The following DLG2 variants were observed in gnomAD, a reference collection of about 807,000 sequenced individuals.
The protein encoded by DLG2 is discs large MAGUK scaffold protein 2.
A neutral mutation model predicts 132.5 loss-of-function variants in DLG2; 45 were observed. The observed-to-expected ratio is 0.34, with a 90% confidence interval of 0.27 to 0.44. The LOEUF is 0.44. Among genes scored for constraint, DLG2 ranks in the 20% least tolerant of loss-of-function variants. The pLI, the probability that DLG2 is intolerant of heterozygous loss-of-function variation, is 1.00. For missense variants in DLG2, 1,045 were observed against 1,196.9 expected, an observed-to-expected ratio of 0.87 and a Z score of 1.87; for synonymous variants, 424 against 419.6, an observed-to-expected ratio of 1.01 and a Z score of -0.13.
At chr11:84,677,364 G>C (rs1469640085) in intron 6 of DLG2, among the ~76,000 whole-genome samples, 1 of 151,984 alleles carries the variant, frequency 6.6e-6, no homozygotes, top group Non-Finnish European at 1.5e-5. Context: ...AGGATTTTGA[G>C]AGTTATTACC....
chr11:84,871,242 T>A (rs558227687), intron 6 of DLG2, among the ~76,000 whole-genome samples: 93 of 152,362 alleles, frequency 6.1e-4, no homozygotes, highest in Admixed American at 2.4e-3. Context: ...GCTTCCTGCA[T>A]AAGGATCTCA....
chr11:85,219,283 C>T (rs1444132033), intron 4 of DLG2, among the ~76,000 whole-genome samples: 1 of 152,144 alleles, frequency 6.6e-6, no homozygotes, highest in Non-Finnish European at 1.5e-5. Context: ...TCTGACACCT[C>T]TGGTCTCTAG....
intron 19 of DLG2, among the ~76,000 whole-genome samples, chr11:83,543,644 A>G (rs2096151174): frequency 6.6e-6 from 1 of 152,180 alleles, no homozygotes; most frequent in Non-Finnish European, 1.5e-5. Flanking sequence ...GAGTTGCTGT[A>G]TGGGTAAAAT....
In DLG2 at chr11:85,109,091, CA is replaced by C. The variant is rs1183477316; in HGVS notation, c.357+2569del. Among the ~76,000 whole-genome samples, 28 of 151,976 alleles carry C rather than the reference CA, an allele frequency of 1.8e-4. 1 individual carries two copies. The highest frequency in any genetic ancestry group is 1.8e-3 in the Admixed American group (28 of 15,254). On this transcript the variant is annotated intron_variant, in intron 6 of 27. Coordinates refer to ENST00000376104, the MANE Select transcript of DLG2 (RefSeq NM_001142699.3). ...AAAATTCAACTGGCCCTGCTGGAAT[CA>C]AATGTCTTCCTCCTGGATCAGTCAG...
intron 15 of DLG2, among the ~76,000 whole-genome samples, chr11:83,916,935 G>A (rs946654460): frequency 1.3e-5 from 2 of 152,140 alleles, no homozygotes; most frequent in Non-Finnish European, 2.9e-5. Flanking sequence ...GATCTTGGGT[G>A]AGTCTCTTGA....
chr11:85,239,030 T>C (rs903442962), intron 4 of DLG2, among the ~76,000 whole-genome samples: 1 of 152,056 alleles, frequency 6.6e-6, no homozygotes, highest in Non-Finnish European at 1.5e-5. Context: ...CATGGTGTTA[T>C]TCAAGATTTA....
intron 3 of DLG2, among the ~76,000 whole-genome samples, chr11:85,530,721 C>A (rs578213627): frequency 6.6e-6 from 1 of 152,160 alleles, no homozygotes; most frequent in African/African-American, 2.4e-5. Context: ...ATAAGGTTTG[C>A]TTTGGTTCTG....
chr11:84,249,917 GT>G (rs1314752693), intron 8 of DLG2, among the ~76,000 whole-genome samples: 1 of 152,142 alleles, frequency 6.6e-6, no homozygotes, highest in Non-Finnish European at 1.5e-5. Flanking sequence ...CTGTGTCCCA[GT>G]TTTAGTTCCT....
intron 11 of DLG2, among the ~76,000 whole-genome samples, chr11:84,046,547 T>C (rs2096246901): frequency 6.6e-6 from 1 of 151,582 alleles, no homozygotes; most frequent in East Asian, 1.9e-4. Context: ...AAATCATATG[T>C]ATATACCTTC....
chr11:85,537,399 C>T (rs962811780), intron 3 of DLG2, among the ~76,000 whole-genome samples: 4 of 152,198 alleles, frequency 2.6e-5, no homozygotes, highest in African/African-American at 7.2e-5. Context: ...TCTTTGGGTC[C>T]GCAAAGCCTT....
intron 6 of DLG2, among the ~76,000 whole-genome samples, chr11:84,837,041 T>C (rs1262492750): frequency 6.6e-6 from 1 of 151,820 alleles, no homozygotes; most frequent in Non-Finnish European, 1.5e-5. Context: ...CCCCAGTGTG[T>C]GATGTTCCCC....
At chr11:84,123,628 T>G (rs1332917318) in intron 9 of DLG2, among the ~76,000 whole-genome samples, 1 of 152,168 alleles carries the variant, frequency 6.6e-6, no homozygotes, top group Admixed American at 6.5e-5. Context: ...GAGTCTCCAG[T>G]GTGATGCTGG....
intron 8 of DLG2, among the ~76,000 whole-genome samples, chr11:84,168,804 C>T (rs1418906025): frequency 7.1e-6 from 1 of 140,892 alleles, no homozygotes; most frequent in Non-Finnish European, 1.5e-5. Context: ...AATGCCACAG[C>T]AAATCAACAC....
intron 18 of DLG2, among the ~76,000 whole-genome samples, chr11:83,676,133 T>C (rs2077646994): frequency 6.6e-6 from 1 of 152,168 alleles, no homozygotes; most frequent in Non-Finnish European, 1.5e-5. Context: ...GCTGGAGATT[T>C]GGTCTCATGT....
intron 6 of DLG2, among the ~76,000 whole-genome samples, chr11:84,844,950 G>A (rs2081271165): frequency 6.6e-6 from 1 of 152,112 alleles, no homozygotes; most frequent in African/African-American, 2.4e-5. Flanking sequence ...CAGTGAATAT[G>A]CATATTAACA....
chr11:83,877,094 A>C (rs755210352), intron 15 of DLG2, among the ~76,000 whole-genome samples: 1 of 152,088 alleles, frequency 6.6e-6, no homozygotes, highest in Non-Finnish European at 1.5e-5. Flanking sequence ...TTATGTTATT[A>C]ATTACTTTTC....
chr11:83,967,159 A>G lies in DLG2; in HGVS notation c.1057-1691T>C, dbSNP rs531397751. 3.3e-5 allele frequency among the ~76,000 whole-genome samples: 5 copies of G among 152,220 alleles called. No individual in the cohort carries two copies. The East Asian group carries it at 7.7e-4, about 24-fold the overall frequency. On this transcript the variant is annotated intron_variant, in intron 12 of 27. Transcript: ENST00000376104. ...ACTGACAGGCATGAAGGTCGTTGCC[A>G]TATCTTGGCTATTGTAAATAATGCT...
intron 6 of DLG2, among the ~76,000 whole-genome samples, chr11:84,777,966 C>G (rs1470289119): frequency 6.6e-6 from 1 of 152,096 alleles, no homozygotes; most frequent in African/African-American, 2.4e-5. Context: ...AATTAAGCCC[C>G]ATTTGTCTAT....
intron 3 of DLG2, among the ~76,000 whole-genome samples, chr11:85,368,260 T>C (rs1036121114): frequency 6.6e-6 from 1 of 152,228 alleles, no homozygotes; most frequent in Non-Finnish European, 1.5e-5. Flanking sequence ...TATTCTTTAA[T>C]TCAGCTAGAA....
Sources: gnomAD v4.1 joint callset for allele counts (sites outside exome capture counted in the v4.1 genomes callset) on GRCh38, gnomAD v4.1.1 for gene constraint, MANE v1.5 for transcripts, NCBI Gene and HGNC (gene_info 2026-07-23, HGNC 2026-07-21) for gene names.